EYS: variants seen among roughly 807,000 people sequenced by gnomAD.
EYS encodes the protein protein eyes shut homolog.
EYS carries 250 observed loss-of-function variants against 282.1 expected under a neutral mutation model. That is an observed-to-expected ratio of 0.89 (90% confidence interval 0.80 to 0.98). The LOEUF (loss-of-function observed/expected upper bound fraction) is 0.98, where lower values mean the gene tolerates loss of function less well. Among genes scored for constraint, EYS ranks in the 50% least tolerant of loss-of-function variants. EYS has a pLI of 0.00. For missense variants in EYS, 4,016 were observed against 3,709.0 expected, an observed-to-expected ratio of 1.08 and a Z score of -2.15; for synonymous variants, 1,355 against 1,282.9, an observed-to-expected ratio of 1.06 and a Z score of -1.20.
At chr6:65,266,989 T>TATAGAG (rs144200033) in intron 12 of EYS, among the ~76,000 whole-genome samples, 5,465 of 142,058 alleles carry the variant, frequency 0.038, 171 homozygotes, top group African/African-American at 0.095. Context: ...TATATATATA[T>TATAGAG]AGAGAGAGAG....
At chr6:64,557,251 C>T (rs1582891561) in intron 26 of EYS, among the ~76,000 whole-genome samples, 1 of 133,352 alleles carries the variant, frequency 7.5e-6, no homozygotes, top group Non-Finnish European at 1.6e-5. Flanking sequence ...CACACACACA[C>T]ATTTTATTAA....
chr6:65,552,409 T>A (rs1453398753), intron 2 of EYS, among the ~76,000 whole-genome samples: 3 of 152,210 alleles, frequency 2.0e-5, no homozygotes, highest in African/African-American at 7.2e-5. Context: ...AGTTTATTTT[T>A]AAAAATCTTG....
At chr6:65,253,785 A>T (rs1767388658) in intron 12 of EYS, among the ~76,000 whole-genome samples, 1 of 151,830 alleles carries the variant, frequency 6.6e-6, no homozygotes, top group Admixed American at 6.6e-5. Flanking sequence ...AACAGTATAC[A>T]TGGATATAAG....
intron 29 of EYS, among the ~76,000 whole-genome samples, chr6:64,366,861 G>A (rs915690932): frequency 2.6e-5 from 4 of 152,018 alleles, no homozygotes; most frequent in African/African-American, 9.7e-5. Context: ...TCTTTTCGTT[G>A]ATCATGACAA....
intron 26 of EYS, among the ~76,000 whole-genome samples, chr6:64,464,832 T>C (rs1775865391): frequency 6.6e-6 from 1 of 152,002 alleles, no homozygotes; most frequent in African/African-American, 2.4e-5. Context: ...CACAAATATA[T>C]GCTTTTTCAA....
intron 35 of EYS, among the ~76,000 whole-genome samples, chr6:63,872,311 GGTGTGTGT>G (rs750156894): frequency 6.6e-6 from 1 of 150,434 alleles, no homozygotes; most frequent in Admixed American, 6.6e-5. Flanking sequence ...CATACCAGGT[GGTGTGTGT>G]GTGTGTGTGC....
intron 13 of EYS, among the ~76,000 whole-genome samples, chr6:65,016,213 G>A (rs1234036212): frequency 6.6e-6 from 1 of 151,144 alleles, no homozygotes; most frequent in East Asian, 1.9e-4. Context: ...AAAAAAAAAA[G>A]TATATATATA....
At chr6:64,566,718 G>C (rs1765576787) in intron 26 of EYS, among the ~76,000 whole-genome samples, 1 of 151,862 alleles carries the variant, frequency 6.6e-6, no homozygotes, top group Admixed American at 6.6e-5. Flanking sequence ...AAACATGTAG[G>C]GAAATTACAA....
At chr6:64,094,421 C>G (rs1448470318) in intron 31 of EYS, among the ~76,000 whole-genome samples, 1 of 152,164 alleles carries the variant, frequency 6.6e-6, no homozygotes, top group African/African-American at 2.4e-5. Flanking sequence ...TAATTATTGC[C>G]TCAATTTCAG....
chr6:65,582,431 C>T (rs886211825), intron 2 of EYS, among the ~76,000 whole-genome samples: 1 of 151,994 alleles, frequency 6.6e-6, no homozygotes, highest in Non-Finnish European at 1.5e-5. Context: ...TTATAAATTT[C>T]CCCTTAGTCC....
chr6:65,049,795 C>A (rs533986587), intron 13 of EYS, among the ~76,000 whole-genome samples: 1 of 151,784 alleles, frequency 6.6e-6, no homozygotes, highest in Non-Finnish European at 1.5e-5. Flanking sequence ...TAGTATAAAA[C>A]GTACGGTATA....
At chr6:63,807,477 A>G (rs938746947) in intron 36 of EYS, among the ~76,000 whole-genome samples, 4 of 152,226 alleles carry the variant, frequency 2.6e-5, no homozygotes, top group African/African-American at 9.6e-5. Flanking sequence ...GATGCTTATT[A>G]TCAAAGGCTT....
At chr6:63,921,162 C>T (rs956032184) in intron 35 of EYS, among the ~76,000 whole-genome samples, 15 of 152,240 alleles carry the variant, frequency 9.9e-5, no homozygotes, top group Non-Finnish European at 2.2e-4. Context: ...TCCCAAAGTG[C>T]TGGGATTACA....
intron 5 of EYS, among the ~76,000 whole-genome samples, chr6:65,424,918 C>T (rs1435181242): frequency 3.3e-5 from 5 of 152,024 alleles, no homozygotes; most frequent in South Asian, 2.1e-4. Flanking sequence ...AAATTTACTC[C>T]GGGAAGGCAA....
intron 31 of EYS, among the ~76,000 whole-genome samples, chr6:64,151,345 A>G (rs867573811): frequency 2.4e-4 from 29 of 118,434 alleles, no homozygotes; most frequent in Admixed American, 2.5e-4. Flanking sequence ...ATATATATAT[A>G]TATATATATA....
At chr6:65,470,630 C>T (rs971106733) in intron 5 of EYS, among the ~76,000 whole-genome samples, 2 of 152,030 alleles carry the variant, frequency 1.3e-5, no homozygotes, top group Admixed American at 6.6e-5. Context: ...ACTGTGTTAG[C>T]CAGTCCAAAG....
At chr6:65,199,981 T>TAG (rs140091008) in intron 12 of EYS, among the ~76,000 whole-genome samples, 3,930 of 152,190 alleles carry the variant, frequency 0.026, 158 homozygotes, top group African/African-American at 0.089. Flanking sequence ...ATTGGGGTTT[T>TAG]AGAGAGAATA....
intron 33 of EYS, among the ~76,000 whole-genome samples, chr6:64,000,487 A>T (rs1200787177): frequency 6.6e-6 from 1 of 151,806 alleles, no homozygotes; most frequent in Non-Finnish European, 1.5e-5. Context: ...GGCGTGAGCC[A>T]CCGAGCCCGG....
At chr6:64,938,417 A>G (rs1202296283) in intron 15 of EYS, among the ~76,000 whole-genome samples, 2 of 151,544 alleles carry the variant, frequency 1.3e-5, no homozygotes, top group African/African-American at 4.8e-5. Context: ...ATTAGTAGTT[A>G]TTGTTGTTAA....
Sources: allele counts gnomAD v4.1 joint callset (sites outside exome capture counted in the v4.1 genomes callset), GRCh38; gene constraint gnomAD v4.1.1; transcripts MANE v1.5; gene names NCBI Gene and HGNC (gene_info 2026-07-23, HGNC 2026-07-21).